CD79A: variants seen among roughly 807,000 people sequenced by gnomAD.
CD79A encodes CD79a molecule.
Under a neutral mutation model 27.4 loss-of-function variants are expected in CD79A, and 16 were observed. The ratio of observed to expected loss-of-function variants is 0.58; its 90% CI spans 0.40 to 0.89. The LOEUF is 0.89. Among genes scored for constraint, CD79A ranks in the 40% least tolerant of loss-of-function variants. CD79A has a pLI of 0.00. For missense variants in CD79A, 237 were observed against 299.7 expected (o/e 0.79, Z 1.55); for synonymous variants, 110 against 132.7 (o/e 0.83, Z 1.18).
At position 41,880,944 on chromosome 19, in the gene CD79A, C is replaced by T. The variant is rs1467687072; in HGVS notation, c.645C>T (p.Ser215=). The stretch of plus-strand genomic sequence containing the variant: ...AGGGCACCTACCAGGATGTGGGCAG[C>T]CTCAACATAGGAGATGTCCAGCTGG... ...GLQGTYQDVG[S]LNIGDVQLEK... The change falls in exon 5 of 5, where the codon AGC becomes AGT. Residue 215 remains serine (S), a synonymous_variant. Coordinates refer to ENST00000221972, the MANE Select transcript of CD79A (RefSeq NM_001783.4). The T allele has an allele frequency of 1.9e-6, 3 of 1,594,756 alleles. No individual in the cohort carries two copies. Among genetic ancestry groups the T allele is most frequent in the Non-Finnish European group, 2.6e-6 (3 of 1,171,806 alleles).
Position 41,877,583 on chromosome 19 carries a change from A to AGGGGC in CD79A, c.79+202_79+206dup, listed in dbSNP as rs1290737450. 6.6e-6 allele frequency among the ~76,000 whole-genome samples: 1 copy of AGGGGC among 152,116 alleles called. No individual in the cohort carries two copies. Among genetic ancestry groups the AGGGGC allele is most frequent in the Non-Finnish European group, 1.5e-5 (1 of 68,000 alleles). ...GCTGGAGGGAGCCCAGCGAAGGAGA[A>AGGGGC]GGGGCGTCCACAGTCTCACACAGGG... On this transcript the variant is annotated intron_variant, in intron 1 of 4. Coordinates refer to ENST00000221972, the MANE Select transcript of CD79A (RefSeq NM_001783.4). The surrounding 1 kb of genome is among the most constrained non-coding windows in gnomAD (Gnocchi z 4.1).
chr19:41,880,644 G>GGCGGGGGC, intron 3 of CD79A, 26 bp from the exon 4 acceptor site: 1 of 1,148,272 alleles, frequency 8.7e-7, no homozygotes, highest in Non-Finnish European at 1.3e-6. Context: ...TGCTCACTGA[G>GGCGGGGGC]GCACCCACCC....
At position 41,879,851 on chromosome 19, in the gene CD79A, T is replaced by C. The variant is rs1344041052; in HGVS notation, c.498+198T>C. Reference sequence around the variant, plus strand: ...GAACTGGCGCTGAGCCCAGGGGGTGTCTTCAATTTAGTTTCCCCTTCTGGG... The same window carrying C: ...GAACTGGCGCTGAGCCCAGGGGGTGCCTTCAATTTAGTTTCCCCTTCTGGG... On this transcript the variant is annotated intron_variant, in intron 3 of 4. Coordinates refer to ENST00000221972, the MANE Select transcript of CD79A (RefSeq NM_001783.4). This position sits in a 1 kb window ranked among gnomAD's most constrained non-coding sequence, Gnocchi z 5.1. Among the ~76,000 whole-genome samples, 2 of 151,954 alleles carry C rather than the reference T, an allele frequency of 1.3e-5. No individual in the cohort carries two copies. The highest frequency in any genetic ancestry group is 4.8e-5 in the African/African-American group (2 of 41,352).
rs2074201426 is a variant in CD79A, at chr19:41,878,465, T to C, written c.80-525T>C. 6.6e-6 allele frequency among the ~76,000 whole-genome samples: 1 copy of C among 152,016 alleles called. No homozygotes were observed. Among genetic ancestry groups the C allele is most frequent in the Non-Finnish European group, 1.5e-5 (1 of 67,966 alleles). ...AGGAGAGAACCTACTTCTAGGGTTCTGTGAATGATTACACAAGAAAAAGCG... is the reference window on the plus strand; with the variant it reads ...AGGAGAGAACCTACTTCTAGGGTTCCGTGAATGATTACACAAGAAAAAGCG... On this transcript the variant is annotated intron_variant, in intron 1 of 4. Coordinates refer to ENST00000221972, the MANE Select transcript of CD79A (RefSeq NM_001783.4). This position sits in a 1 kb window ranked among gnomAD's most constrained non-coding sequence, Gnocchi z 4.3.
At position 41,879,386 on chromosome 19, in the gene CD79A, T is replaced by C. The variant is rs990435764; in HGVS notation, c.379+97T>C. On this transcript the variant is annotated intron_variant, in intron 2 of 4. Coordinates refer to ENST00000221972, the MANE Select transcript of CD79A (RefSeq NM_001783.4). The surrounding 1 kb of genome is among the most constrained non-coding windows in gnomAD (Gnocchi z 5.1). ...ATAGAGCCAGTACCTTCAATGTGGG[T>C]TTCAAACCGGCTTGGACAGAGGGAC... 7.5e-7 allele frequency: 1 copy of C among 1,337,418 alleles called. No individual in the cohort carries two copies. The highest frequency in any genetic ancestry group is 1.9e-5 in the Admixed American group (1 of 51,514). 82.8% of individuals were successfully genotyped at this position (1,337,418 alleles called of 1,614,324 possible).
Position 41,879,342 on chromosome 19 carries a change from GT to G in CD79A, c.379+56del. On this transcript the variant is annotated intron_variant, in intron 2 of 4. Transcript: ENST00000221972. The surrounding 1 kb of genome is among the most constrained non-coding windows in gnomAD (Gnocchi z 5.1). ...CCCACTGTCCCGCTGGGGACACTCG[GT>G]TTATCTTTGAAGTGGGGATAGAGCC... 2 of 1,549,736 alleles carry G rather than the reference GT, an allele frequency of 1.3e-6. No homozygotes were observed.
At position 41,879,245 on chromosome 19, in the gene CD79A, A is replaced by C; in HGVS notation, c.335A>C (p.Asn112Thr). The change falls in exon 2 of 5, where the codon AAC (asparagine) becomes ACC (threonine). Residue 112 changes from asparagine (N) to threonine (T), a missense_variant. Physicochemically the swap from Asn to Thr is moderately conservative, Grantham distance 65. Transcript: ENST00000221972. The surrounding 1 kb of genome is among the most constrained non-coding windows in gnomAD (Gnocchi z 5.1). ...TACGTGTGCCGGGTCCAGGAGGGCAACGAGTCATACCAGCAGTCCTGCGGC... is the reference window on the plus strand; with the variant it reads ...TACGTGTGCCGGGTCCAGGAGGGCACCGAGTCATACCAGCAGTCCTGCGGC... Reference protein sequence around the residue: ...GIYVCRVQEGNESYQQSCGTY... With the variant: ...GIYVCRVQEGTESYQQSCGTY... 1 of 1,613,554 alleles carries C rather than the reference A, an allele frequency of 6.2e-7. No homozygotes were observed. Among genetic ancestry groups the C allele is most frequent in the Non-Finnish European group, 8.5e-7 (1 of 1,179,994 alleles).
chr19:41,877,453 C>T lies in CD79A; in HGVS notation c.79+70C>T. ...GTGGAGGCTGCAGAGAGGGCACAGG[C>T]AGAGGGAAGGGGGCTCAGGGAAAGG... On this transcript the variant is annotated intron_variant, in intron 1 of 4. Coordinates refer to ENST00000221972, the MANE Select transcript of CD79A (RefSeq NM_001783.4). This position sits in a 1 kb window ranked among gnomAD's most constrained non-coding sequence, Gnocchi z 4.1. 3 of 1,271,212 alleles carry T rather than the reference C, an allele frequency of 2.4e-6. No homozygotes were observed. The highest frequency in any genetic ancestry group is 3.5e-6 in the Non-Finnish European group (3 of 868,038). 78.7% of individuals were successfully genotyped at this position (1,271,212 alleles called of 1,614,324 possible).
At position 41,877,803 on chromosome 19, in the gene CD79A, T is replaced by G. The variant is rs2074197840; in HGVS notation, c.79+420T>G. On this transcript the variant is annotated intron_variant, in intron 1 of 4. Coordinates refer to ENST00000221972, the MANE Select transcript of CD79A (RefSeq NM_001783.4). The surrounding 1 kb of genome is among the most constrained non-coding windows in gnomAD (Gnocchi z 4.1). ...GGTGCCTCTCTCTGTTGGGAGTCCCTTCTCAGCACTGGGGGAATGGGTGTC... is the reference window on the plus strand; with the variant it reads ...GGTGCCTCTCTCTGTTGGGAGTCCCGTCTCAGCACTGGGGGAATGGGTGTC... 6.6e-6 allele frequency among the ~76,000 whole-genome samples: 1 copy of G among 152,160 alleles called. No homozygotes were observed. Among genetic ancestry groups the G allele is most frequent in the African/African-American group, 2.4e-5 (1 of 41,438 alleles).
rs782252374 is a variant in CD79A at position 41,879,502 on chromosome 19, G to A, written c.380-33G>A. On this transcript the variant is annotated intron_variant, in intron 2 of 4. Coordinates refer to ENST00000221972, the MANE Select transcript of CD79A (RefSeq NM_001783.4). This position sits in a 1 kb window ranked among gnomAD's most constrained non-coding sequence, Gnocchi z 5.1. The stretch of plus-strand genomic sequence containing the variant: ...CAGGAGGCTAGGGAGGGCAAGAGGG[G>A]CCAGGGCTCTGAGCCATACTACCTC... 1.1e-5 allele frequency: 17 copies of A among 1,501,100 alleles called. No individual in the cohort carries two copies. The East Asian group carries it at 1.8e-4, about 16-fold the overall frequency. The allele number at this position is 1,501,100 out of a possible 1,614,324, so 93.0% of individuals were successfully genotyped here. A position where few individuals can be genotyped will look rare whatever the true frequency, so the allele number is the denominator to read the frequency against.
chr19:41,877,369 C>T lies in CD79A; in HGVS notation c.65C>T (p.Ser22Phe). The change falls in exon 1 of 5, where the codon TCT (serine) becomes TTT (phenylalanine). Residue 22 changes from serine to phenylalanine, a missense_variant. Ser to Phe is a radical substitution (Grantham distance 155). Transcript: ENST00000221972. This position sits in a 1 kb window ranked among gnomAD's most constrained non-coding sequence, Gnocchi z 4.1. The part of the protein sequence containing the change: ...PATIFLLFLL[S>F]AVYLGPGCQA... Reference sequence around the variant, plus strand: ...ACCATCTTCCTCCTCTTCCTGCTGTCTGCTGTCTACCTGGGTATGTGGCCA... The same window carrying T: ...ACCATCTTCCTCCTCTTCCTGCTGTTTGCTGTCTACCTGGGTATGTGGCCA... 1 of 1,614,050 alleles carries T rather than the reference C, an allele frequency of 6.2e-7. No homozygotes were observed. The highest frequency in any genetic ancestry group is 8.5e-7 in the Non-Finnish European group (1 of 1,179,914).
In CD79A at chr19:41,879,058, G is replaced by A. The variant is rs557160710; in HGVS notation, c.148G>A (p.Ala50Thr). ...ASLMVSLGED[A>T]HFQCPHNSSN... The stretch of plus-strand genomic sequence containing the variant: ...ATTGATGGTGAGCCTGGGGGAAGAC[G>A]CCCACTTCCAATGCCCGCACAATAG... Residue 50 changes from alanine to threonine, a missense_variant, in exon 2 of 5, where the codon GCC (alanine) becomes ACC (threonine). Transcript: ENST00000221972. This position sits in a 1 kb window ranked among gnomAD's most constrained non-coding sequence, Gnocchi z 5.1. 5 of 1,610,810 alleles carry A rather than the reference G, an allele frequency of 3.1e-6. No individual in the cohort carries two copies. The highest frequency in any genetic ancestry group is 1.7e-4 in the Middle Eastern group (1 of 6,048).
At position 41,881,209 on chromosome 19, in the gene CD79A, A is replaced by G; in HGVS notation, c.*229A>G. 1 of 582,162 alleles carries G rather than the reference A, an allele frequency of 1.7e-6. No homozygotes were observed. 36.1% of individuals were successfully genotyped at this position (582,162 alleles called of 1,614,324 possible). A position where few individuals can be genotyped will look rare whatever the true frequency, so the allele number is the denominator to read the frequency against. ...CTAAACTGCCCCACCTCCTAACCTAATCCCCCCGCCCCGCTGCCTTTCCCA... is the reference window on the plus strand; with the variant it reads ...CTAAACTGCCCCACCTCCTAACCTAGTCCCCCCGCCCCGCTGCCTTTCCCA... On this transcript the variant is annotated 3_prime_UTR_variant, in exon 5 of 5. Transcript: ENST00000221972.
At chr19:41,880,385 G>GAGAGAA (rs1271594622) in intron 3 of CD79A, among the ~76,000 whole-genome samples, 1 of 138,478 alleles carries the variant, frequency 7.2e-6, no homozygotes, top group African/African-American at 2.6e-5. Flanking sequence ...AAGAGAGAGA[G>GAGAGAA]AGAGAAAGAG....
chr19:41,879,618 T>C lies in CD79A; in HGVS notation c.463T>C (p.Cys155Arg), dbSNP rs1308726821. Residue 155 changes from cysteine to arginine, a missense_variant, in exon 3 of 5, where the codon TGC (cysteine) becomes CGC (arginine). Transcript: ENST00000221972. This position sits in a 1 kb window ranked among gnomAD's most constrained non-coding sequence, Gnocchi z 5.1. ...ITAEGIILLF[C>R]AVVPGTLLLF... ...AGCCGAGGGGATCATCCTCCTGTTCTGCGCGGTGGTGCCTGGGACGCTGCT... is the reference window on the plus strand; with the variant it reads ...AGCCGAGGGGATCATCCTCCTGTTCCGCGCGGTGGTGCCTGGGACGCTGCT... 1 of 1,611,792 alleles carries C rather than the reference T, an allele frequency of 6.2e-7. No homozygotes were observed. Among genetic ancestry groups the C allele is most frequent in the Admixed American group, 1.7e-5 (1 of 59,844 alleles).
At position 41,877,401 on chromosome 19, in the gene CD79A, A is replaced by C. The variant is rs1407835843; in HGVS notation, c.79+18A>C. ...CTACCTGGGTATGTGGCCAAAGGGC[A>C]GGAACTGGCGGGAGGTGGGGGAAGC... On this transcript the variant is annotated intron_variant, in intron 1 of 4. Coordinates refer to ENST00000221972, the MANE Select transcript of CD79A (RefSeq NM_001783.4). This position sits in a 1 kb window ranked among gnomAD's most constrained non-coding sequence, Gnocchi z 4.1. 6.2e-7 allele frequency: 1 copy of C among 1,607,562 alleles called. No homozygotes were observed. The highest frequency in any genetic ancestry group is 1.7e-5 in the Admixed American group (1 of 59,998).
rs782780474 is a variant in CD79A, at chr19:41,880,875, C to T, written c.576C>T (p.Asn192=). 3.7e-6 allele frequency: 6 copies of T among 1,602,178 alleles called. No individual in the cohort carries two copies. Among genetic ancestry groups the T allele is most frequent in the Non-Finnish European group, 5.1e-6 (6 of 1,174,700 alleles). The change falls in exon 5 of 5, where the codon AAC becomes AAT. Residue 192 remains asparagine, a synonymous_variant. Coordinates refer to ENST00000221972, the MANE Select transcript of CD79A (RefSeq NM_001783.4). ...YEDENLYEGL[N]LDDCSMYEDI... ...CCTCATTTCCATCCCAGGGCCTGAA[C>T]CTGGACGACTGCTCCATGTATGAGG...
chr19:41,880,776 T>C (rs2074219488), intron 4 of CD79A, 38 bp downstream of exon 4: 1 of 1,514,042 alleles, frequency 6.6e-7, no homozygotes, highest in Admixed American at 2.0e-5. Flanking sequence ...GGCAGTTGTG[T>C]TAGGGGTGGG....
Position 41,879,715 on chromosome 19 carries a change from C to A in CD79A, c.498+62C>A. ...GGCCTGGGCCGAGGGACCCCCAATA[C>A]CCAGGTAGCCCTCTAGAGCCTGAGG... On this transcript the variant is annotated intron_variant, in intron 3 of 4. Transcript: ENST00000221972. The surrounding 1 kb of genome is among the most constrained non-coding windows in gnomAD (Gnocchi z 5.1). 1.8e-6 allele frequency: 2 copies of A among 1,098,478 alleles called. No homozygotes were observed. The highest frequency in any genetic ancestry group is 2.8e-6 in the Non-Finnish European group (2 of 723,312). The allele number at this position is 1,098,478 out of a possible 1,614,324, so 68.0% of individuals were successfully genotyped here. A position where few individuals can be genotyped will look rare whatever the true frequency, so the allele number is the denominator to read the frequency against.
Sources: allele counts gnomAD v4.1 joint callset (sites outside exome capture counted in the v4.1 genomes callset), GRCh38; gene constraint gnomAD v4.1.1; non-coding constraint Gnocchi (gnomAD v3.1); transcripts MANE v1.5; gene names NCBI Gene and HGNC (gene_info 2026-07-23, HGNC 2026-07-21).